Variants in TPSG1 observed in about 807,000 individuals in gnomAD.
TPSG1 encodes tryptase gamma.
TPSG1 carries 43 observed loss-of-function variants against 23.8 expected under a neutral mutation model. That is an observed-to-expected ratio of 1.81 (90% CI 1.42 to 2.33). The LOEUF (loss-of-function observed/expected upper bound fraction) is 2.33, where lower values mean the gene tolerates loss of function less well. Among genes scored for constraint, TPSG1 ranks in the 30% most tolerant of loss-of-function variants. TPSG1 has a pLI of 0.00. For synonymous variants in TPSG1, 302 were observed against 201.3 expected (o/e 1.50, Z -4.23); for missense variants, 623 against 438.6 (o/e 1.42, Z -3.75).
rs1416345519 is a variant in TPSG1, at chr16:1,221,729, G to A, written c.*59C>T. The A allele has an allele frequency of 6.9e-7, 1 of 1,456,350 alleles. No homozygotes were observed. The highest frequency in any genetic ancestry group is 2.3e-5 in the East Asian group (1 of 42,606). 90.2% of individuals were successfully genotyped at this position (1,456,350 alleles called of 1,614,324 possible). On this transcript the variant is annotated 3_prime_UTR_variant, in exon 6 of 6. Coordinates refer to ENST00000234798, the MANE Select transcript of TPSG1 (RefSeq NM_012467.4). ...AAGACTCAGCTTCTCAAGGGAGAGGGAGGGGGCGGAGCGGAATAAATAGTA... is the reference window on the plus strand; with the variant it reads ...AAGACTCAGCTTCTCAAGGGAGAGGAAGGGGGCGGAGCGGAATAAATAGTA...
At position 1,221,756 on chromosome 16, in the gene TPSG1, C is replaced by T; in HGVS notation, c.*32G>A. ...GGGGGCGGAGCGGAATAAATAGTAA[C>T]TTATTTAAGAAATGCACTTGGATTC... On this transcript the variant is annotated 3_prime_UTR_variant, in exon 6 of 6. Transcript: ENST00000234798. 1 of 1,563,852 alleles carries T rather than the reference C, an allele frequency of 6.4e-7. No homozygotes were observed. Among genetic ancestry groups the T allele is most frequent in the Non-Finnish European group, 8.7e-7 (1 of 1,151,780 alleles).
intron 2 of TPSG1, 133 bp from the exon 3 acceptor site, chr16:1,223,727 C>G (rs1019760944): frequency 6.3e-6 from 7 of 1,112,972 alleles, no homozygotes; most frequent in Non-Finnish European, 8.7e-6. Context: ...GTCTGCCAGA[C>G]TCTCCCCAGA....
rs942121363 is a variant in TPSG1, at chr16:1,222,593, GCT to G, written c.511+57_511+58del. The G allele has an allele frequency of 4.2e-5, 63 of 1,515,028 alleles. No individual in the cohort carries two copies. The Middle Eastern group carries it at 7.4e-4, about 18-fold the overall frequency. 93.8% of individuals were successfully genotyped at this position (1,515,028 alleles called of 1,614,324 possible). Reference sequence around the variant, plus strand: ...GGTAGCATCAGCATCCCTCAAGCCAGCTCTCTTCCTGCCGCCCTTGCCTTCCT... The same window carrying G: ...GGTAGCATCAGCATCCCTCAAGCCAGCTCTTCCTGCCGCCCTTGCCTTCCT... On this transcript the variant is annotated intron_variant, in intron 4 of 5. Transcript: ENST00000234798.
chr16:1,224,715 G>A (rs1211220620), intron 1 of TPSG1, 87 bp from the exon 2 acceptor site: 2 of 1,566,754 alleles, frequency 1.3e-6, no homozygotes, highest in African/African-American at 1.4e-5. Flanking sequence ...AGGCCTCAGG[G>A]CGGCACTGGG....
chr16:1,224,502 G>T, intron 2 of TPSG1, 100 bp downstream of exon 2: 1 of 1,502,238 alleles, frequency 6.7e-7, no homozygotes, highest in Non-Finnish European at 9.2e-7. Context: ...GACCTCCCCG[G>T]GCCCCCATTG....
intron 3 of TPSG1, 97 bp downstream of exon 3, chr16:1,223,326 C>G (rs139856058): frequency 6.4e-6 from 9 of 1,397,006 alleles, no homozygotes; most frequent in Non-Finnish European, 6.6e-6. Context: ...GTTCCCAAGC[C>G]TCGGAGTGAG....
intron 2 of TPSG1, 173 bp from the exon 3 acceptor site, chr16:1,223,767 T>C: frequency 1.3e-6 from 1 of 747,054 alleles, no homozygotes; most frequent in Non-Finnish European, 2.1e-6. Flanking sequence ...AAATGACGTC[T>C]CAGGAGCAGT....
rs1596486397 is a variant in TPSG1 at position 1,222,919 on chromosome 16, T to G, written c.246-2A>C. 2.5e-6 allele frequency: 4 copies of G among 1,591,518 alleles called. No individual in the cohort carries two copies. Among genetic ancestry groups the G allele is most frequent in the East Asian group, 4.5e-5 (2 of 44,310 alleles). On this transcript the variant is annotated splice_acceptor_variant, in intron 3 of 5. Coordinates refer to ENST00000234798, the MANE Select transcript of TPSG1 (RefSeq NM_012467.4). LOFTEE classifies it high-confidence loss of function. ...TGGTAGTCGGATGAGTTCAGGGACC[T>G]GGGAGGGAAGGTGGCTGGGTGAGAG...
intron 3 of TPSG1, 46 bp downstream of exon 3, chr16:1,223,377 C>G (rs1281639665): frequency 6.5e-7 from 1 of 1,527,978 alleles, no homozygotes; most frequent in Non-Finnish European, 8.8e-7. Flanking sequence ...GCATGCCCCA[C>G]TGGGGCCTGG....
chr16:1,225,224 A>T lies in TPSG1; in HGVS notation c.29T>A (p.Leu10Gln). The T allele has an allele frequency of 6.3e-7, 1 of 1,579,608 alleles. No individual in the cohort carries two copies. The highest frequency in any genetic ancestry group is 1.3e-5 in the African/African-American group (1 of 74,458). The change falls in exon 1 of 6, where the codon CTG becomes CAG. Residue 10 changes from leucine to glutamine, a missense_variant. By Grantham distance (113) the Leu-to-Gln change is moderately radical (BLOSUM62 -2). Coordinates refer to ENST00000234798, the MANE Select transcript of TPSG1 (RefSeq NM_012467.4). ...TCACCCACCGGGCACAGCCAGGAGC[A>T]GCAGGAGGCCACAGGCCCCAAGGGC... MALGACGLL[L>Q]LLAVPGVSLR...
chr16:1,221,937 CT>C lies in TPSG1; in HGVS notation c.816del (p.Gly274AlafsTer24), dbSNP rs764902673. ...VNWIRRHITA[S>X]GGSESGYPRL... ...CTGGGGTACCCAGACTCTGAGCCCC[CT>C]GATGCTGTGATGTGGCGGCGGATCC... On this transcript the variant is annotated frameshift_variant, in exon 6 of 6. Transcript: ENST00000234798. LOFTEE classifies it low-confidence loss of function (END_TRUNC). 1.2e-5 allele frequency: 20 copies of C among 1,611,856 alleles called. No individual in the cohort carries two copies. The highest frequency in any genetic ancestry group is 8.9e-5 in the East Asian group (4 of 44,844).
Position 1,222,334 on chromosome 16 carries a change from C to T in TPSG1, c.519G>A (p.Leu173=), listed in dbSNP as rs777849905. The T allele has an allele frequency of 1.9e-5, 31 of 1,594,990 alleles. No individual in the cohort carries two copies. The Middle Eastern group carries it at 2.0e-3, about 102-fold the overall frequency. The stretch of plus-strand genomic sequence containing the variant: ...CCTCCCGCAGGCTGTACGGGGGTGG[C>T]AGAGGCTCTGGGGTGGGGGGAACAG... ...GWGYTREGEP[L]PPPYSLREVK... The change falls in exon 5 of 6, where the codon CTG becomes CTA. Residue 173 remains leucine (L), a synonymous_variant. Coordinates refer to ENST00000234798, the MANE Select transcript of TPSG1 (RefSeq NM_012467.4).
rs371535092 is a variant in TPSG1, at chr16:1,222,297, C to T, written c.556G>A (p.Val186Met). 6.2e-6 allele frequency: 10 copies of T among 1,610,780 alleles called. No homozygotes were observed. The highest frequency in any genetic ancestry group is 2.2e-5 in the East Asian group (1 of 44,800). Residue 186 changes from valine (V) to methionine (M), a missense_variant, in exon 5 of 6, where the codon GTG becomes ATG. Coordinates refer to ENST00000234798, the MANE Select transcript of TPSG1 (RefSeq NM_012467.4). ...CGGCGGCAGGTCTCTGTGTCCACCACGGAGACTTTCACCTCCCGCAGGCTG... is the reference window on the plus strand; with the variant it reads ...CGGCGGCAGGTCTCTGTGTCCACCATGGAGACTTTCACCTCCCGCAGGCTG... Reference protein sequence around the residue: ...PYSLREVKVSVVDTETCRRDY... With the variant: ...PYSLREVKVSMVDTETCRRDY...
chr16:1,222,386 C>G lies in TPSG1; in HGVS notation c.512-45G>C. 2.6e-6 allele frequency: 4 copies of G among 1,517,684 alleles called. No individual in the cohort carries two copies. The South Asian group carries it at 5.0e-5, about 19-fold the overall frequency. 94.0% of individuals were successfully genotyped at this position (1,517,684 alleles called of 1,614,324 possible). On this transcript the variant is annotated intron_variant, in intron 4 of 5. Transcript: ENST00000234798. ...CTTCAGAGAAGGTTGGGGCACCAGG[C>G]CCTGCACTGGGGGGATGGGAGACCT...
rs1477809647 is a variant in TPSG1, at chr16:1,222,206, T to TC, written c.646dup (p.Asp216GlyfsTer29). ...GCCTGGCAGGCTCACCTGGCAGGCA[T>TC]CCCCGGGGCCCCGGGCACACAGCAT... On this transcript the variant is annotated frameshift_variant, in exon 5 of 6. Transcript: ENST00000234798. LOFTEE classifies it low-confidence loss of function (END_TRUNC). 9.9e-6 allele frequency: 16 copies of TC among 1,611,274 alleles called. No individual in the cohort carries two copies. Among genetic ancestry groups the TC allele is most frequent in the Non-Finnish European group, 1.1e-5 (13 of 1,179,726 alleles).
At position 1,222,711 on chromosome 16, in the gene TPSG1, T is replaced by A; in HGVS notation, c.452A>T (p.Asp151Val). The A allele has an allele frequency of 6.2e-7, 1 of 1,607,964 alleles. No homozygotes were observed. The highest frequency in any genetic ancestry group is 8.5e-7 in the Non-Finnish European group (1 of 1,176,060). Residue 151 changes from aspartate to valine, a missense_variant, in exon 4 of 6, where the codon GAT becomes GTT. By Grantham distance (152) the Asp-to-Val change is radical (BLOSUM62 -3). Coordinates refer to ENST00000234798, the MANE Select transcript of TPSG1 (RefSeq NM_012467.4). ...GCACCGGATCCCAGGGCAGAAGTCA[T>A]CTGAGGCCTCCGGGAGGCAGACGGG... is the stretch of plus-strand genomic sequence containing the variant. ...ILPVCLPEASDDFCPGIRCWV... is the reference protein window; with the variant it reads ...ILPVCLPEASVDFCPGIRCWV...
At chr16:1,222,461 T>C in intron 4 of TPSG1, 120 bp from the exon 5 acceptor site, 1 of 1,236,390 alleles carries the variant, frequency 8.1e-7, no homozygotes, top group African/African-American at 1.5e-5. Flanking sequence ...GGCACGTGGG[T>C]TGTGATCTGA....
Position 1,223,664 on chromosome 16 carries a change from T to G in TPSG1, c.74-70A>C, listed in dbSNP as rs550945821. 1.0e-4 allele frequency: 154 copies of G among 1,488,052 alleles called. No individual in the cohort carries two copies. The African/African-American group carries it at 1.9e-3, about 18-fold the overall frequency. 92.2% of individuals were successfully genotyped at this position (1,488,052 alleles called of 1,614,324 possible). On this transcript the variant is annotated intron_variant, in intron 2 of 5. Transcript: ENST00000234798. ...CCCACTGCACTTCCTCCATGAAGCCTTCCCTGACCACACCTCCCTGCCTTC... is the reference window on the plus strand; with the variant it reads ...CCCACTGCACTTCCTCCATGAAGCCGTCCCTGACCACACCTCCCTGCCTTC...
intron 4 of TPSG1, 45 bp from the exon 5 acceptor site, chr16:1,222,386 C>T: frequency 1.3e-6 from 2 of 1,517,684 alleles, no homozygotes; most frequent in Non-Finnish European, 8.9e-7. Context: ...GGGCACCAGG[C>T]CCTGCACTGG....
Sources: allele counts gnomAD v4.1 joint callset, GRCh38; gene constraint gnomAD v4.1.1; transcripts MANE v1.5; gene names NCBI Gene and HGNC (gene_info 2026-07-23, HGNC 2026-07-21).